Variants in GAA observed in about 807,000 individuals in gnomAD.
GAA encodes alpha glucosidase.
A neutral mutation model predicts 103.9 loss-of-function variants in GAA; 88 were observed. The observed-to-expected ratio is 0.85, with a 90% CI of 0.71 to 1.01. The LOEUF is 1.01. Among genes scored for constraint, GAA ranks in the 50% least tolerant of loss-of-function variants. The pLI, the probability that GAA is intolerant of heterozygous loss-of-function variation, is 0.00. For missense variants in GAA, 1,350 were observed against 1,305.3 expected (o/e 1.03, Z -0.53); for synonymous variants, 572 against 563.1 (o/e 1.02, Z -0.22).
At chr17:80,111,962 A>G (rs761933465) in intron 11 of GAA, 21 bp from the exon 12 acceptor site, 23 of 1,603,364 alleles carry the variant, frequency 1.4e-5, no homozygotes, top group Non-Finnish European at 1.9e-5. Context: ...CTCCCTGGAA[A>G]CCAGCCCCCG....
At chr17:80,106,606 C>A (rs1050839877) in intron 3 of GAA, among the ~76,000 whole-genome samples, 4 of 152,098 alleles carry the variant, frequency 2.6e-5, no homozygotes, top group Admixed American at 2.0e-4. Flanking sequence ...GTAGAGAGAC[C>A]CAAGAGAAGT....
At chr17:80,116,737 C>G (rs2039359784) in intron 15 of GAA, 1 of 589,142 alleles carries the variant, frequency 1.7e-6, no homozygotes. Context: ...CTATTCCTGC[C>G]CTGAGCCCAG....
rs1257379580 is a variant in GAA, at chr17:80,110,011, G to A, written c.1393G>A (p.Gly465Arg). 2.5e-6 allele frequency: 4 copies of A among 1,613,358 alleles called. No individual in the cohort carries two copies. The East Asian group carries it at 8.9e-5, about 36-fold the overall frequency. ...YRPYDEGLRR[G>R]VFITNETGQP... ...GCCCTACGACGAGGGTCTGCGGAGG[G>A]GGGTTTTCATCACCAACGAGACCGG... The change falls in exon 9 of 20, where the codon GGG becomes AGG. Residue 465 changes from glycine to arginine, a missense_variant. Physicochemically the swap from Gly to Arg is moderately radical, Grantham distance 125 (BLOSUM62 -2). Coordinates refer to ENST00000302262, the MANE Select transcript of GAA (RefSeq NM_000152.5).
At position 80,119,826 on chromosome 17, in the gene GAA, G is replaced by T; in HGVS notation, c.*495G>T. 5.2e-6 allele frequency: 1 copy of T among 192,448 alleles called. No homozygotes were observed. The highest frequency in any genetic ancestry group is 1.1e-5 in the Non-Finnish European group (1 of 91,334). The allele number at this position is 192,448 out of a possible 1,614,324, so 11.9% of individuals were successfully genotyped here. A position where few individuals can be genotyped will look rare whatever the true frequency, so the allele number is the denominator to read the frequency against. On this transcript the variant is annotated 3_prime_UTR_variant, in exon 20 of 20. Coordinates refer to ENST00000302262, the MANE Select transcript of GAA (RefSeq NM_000152.5). ...AACTCAGGAAAATTCACAGGACTTG[G>T]GAGATTCTAAATCTTAAGTGCAATT...
Position 80,108,317 on chromosome 17 carries a change from T to G in GAA, c.983T>G (p.Leu328Arg). 6.2e-7 allele frequency: 1 copy of G among 1,613,642 alleles called. No homozygotes were observed. The highest frequency in any genetic ancestry group is 8.5e-7 in the Non-Finnish European group (1 of 1,180,010). The stretch of plus-strand genomic sequence containing the variant: ...GTGGTCCTGCAGCCGAGCCCTGCCC[T>G]TAGCTGGAGGTCGACAGGTGGGATC... ...MDVVLQPSPA[L>R]SWRSTGGILD... Residue 328 changes from leucine to arginine, a missense_variant, in exon 6 of 20, where the codon CTT becomes CGT. Physicochemically the swap from Leu to Arg is moderately radical, Grantham distance 102 (BLOSUM62 -2). Coordinates refer to ENST00000302262, the MANE Select transcript of GAA (RefSeq NM_000152.5).
rs750907936 is a variant in GAA, at chr17:80,113,325, C to T, written c.2148C>T (p.Ala716=). 5 of 1,598,092 alleles carry T rather than the reference C, an allele frequency of 3.1e-6. No homozygotes were observed. The highest frequency in any genetic ancestry group is 4.3e-6 in the Non-Finnish European group (5 of 1,172,400). Residue 716 remains alanine (A), a synonymous_variant, in exon 15 of 20, where the codon GCC becomes GCT. Transcript: ENST00000302262. ...LPHLYTLFHQ[A]HVAGETVARP... ...ACCTCTACACACTGTTCCACCAGGC[C>T]CACGTCGCGGGGGAGACCGTGGCCC...
At position 80,108,798 on chromosome 17, in the gene GAA, C is replaced by T. The variant is rs2143858058; in HGVS notation, c.1296C>T (p.His432=). Residue 432 remains histidine (H), a synonymous_variant, in exon 8 of 20, where the codon CAC becomes CAT. Transcript: ENST00000302262. ...TCCCGGCCATGGTGCAGGAGCTGCA[C>T]CAGGGCGGCCGGCGCTACATGATGA... ...RDFPAMVQEL[H]QGGRRYMMIV... is the part of the protein sequence containing the mutation. The T allele has an allele frequency of 6.2e-7, 1 of 1,604,302 alleles. No individual in the cohort carries two copies. Among genetic ancestry groups the T allele is most frequent in the Non-Finnish European group, 8.5e-7 (1 of 1,175,880 alleles).
rs1316979657 is a variant in GAA at position 80,101,620 on chromosome 17, G to A, written c.-303G>A. 6.6e-6 allele frequency: 1 copy of A among 151,096 alleles called. No homozygotes were observed. The highest frequency in any genetic ancestry group is 1.9e-4 in the East Asian group (1 of 5,150). 9.4% of individuals were successfully genotyped at this position (151,096 alleles called of 1,614,324 possible). On this transcript the variant is annotated 5_prime_UTR_variant, in exon 1 of 20. Coordinates refer to ENST00000302262, the MANE Select transcript of GAA (RefSeq NM_000152.5). ...CCGCGGGCGGCCAGGGCGCGCGTGC[G>A]CGGAGGTGAGCCGGGCCGGGGCTGC...
intron 1 of GAA, 58 bp downstream of exon 1, chr17:80,101,948 G>A (rs2038961759): frequency 6.6e-6 from 1 of 152,486 alleles, no homozygotes; most frequent in South Asian, 2.1e-4. Flanking sequence ...AAGCGGGTTT[G>A]AACGTGCCTA....
In GAA at chr17:80,112,711, G is replaced by A; in HGVS notation, c.1888G>A (p.Glu630Lys). 1 of 1,606,344 alleles carries A rather than the reference G, an allele frequency of 6.2e-7. No individual in the cohort carries two copies. The highest frequency in any genetic ancestry group is 8.5e-7 in the Non-Finnish European group (1 of 1,177,182). The change falls in exon 13 of 20, where the codon GAA becomes AAA. Residue 630 changes from glutamate (E) to lysine (K), a missense_variant and splice_region_variant. Transcript: ENST00000302262. Reference protein sequence around the residue: ...SWEQLASSVPEILQFNLLGVP... With the variant: ...SWEQLASSVPKILQFNLLGVP... ...GGAGCAGCTCGCCTCCTCCGTGCCA[G>A]GTGAGCTCCTACCAGGAGGGGCTGC...
chr17:80,112,650 C>G lies in GAA; in HGVS notation c.1827C>G (p.Tyr609Ter). The change falls in exon 13 of 20, where the codon TAC (tyrosine) becomes TAG (stop). Residue 609 changes from tyrosine (Y) to a stop codon, truncating the protein, a stop_gained. Coordinates refer to ENST00000302262, the MANE Select transcript of GAA (RefSeq NM_000152.5). LOFTEE classifies it high-confidence loss of function. ...CGACCTTTGCTGGCCACGGCCGATA[C>G]GCCGGCCACTGGACGGGGGACGTGT... ...SRSTFAGHGRYAGHWTGDVWS... is the reference protein window; with the variant it reads ...SRSTFAGHGR 6.2e-7 allele frequency: 1 copy of G among 1,612,546 alleles called. No homozygotes were observed. The highest frequency in any genetic ancestry group is 8.5e-7 in the Non-Finnish European group (1 of 1,179,760).
chr17:80,116,822 G>A (rs778511824), intron 15 of GAA, 146 bp from the exon 16 acceptor site: 47 of 832,074 alleles, frequency 5.6e-5, no homozygotes, highest in African/African-American at 1.5e-4. Context: ...ATCCCTGCCC[G>A]TCTGACCTGA....
chr17:80,117,115 T>G lies in GAA; in HGVS notation c.2331+6T>G. ...CATGGTACGACCTGCAGACGGTGAGTCTGGGGACCCTAAGCCCTGGGGAGA... is the reference window on the plus strand; with the variant it reads ...CATGGTACGACCTGCAGACGGTGAGGCTGGGGACCCTAAGCCCTGGGGAGA... On this transcript the variant is annotated splice_donor_region_variant and intron_variant, in intron 16 of 19. Coordinates refer to ENST00000302262, the MANE Select transcript of GAA (RefSeq NM_000152.5). The G allele has an allele frequency of 6.2e-7, 1 of 1,612,186 alleles. No homozygotes were observed. Among genetic ancestry groups the G allele is most frequent in the South Asian group, 1.1e-5 (1 of 91,072 alleles).
chr17:80,113,412 AG>A, intron 15 of GAA, 46 bp downstream of exon 15: 1 of 1,473,786 alleles, frequency 6.8e-7, no homozygotes, highest in Non-Finnish European at 9.1e-7. Flanking sequence ...GCCCTGGGGG[AG>A]GGGCACGTAA....
chr17:80,105,209 G>A (rs953300870), intron 2 of GAA, 77 bp downstream of exon 2: 2 of 1,369,544 alleles, frequency 1.5e-6, no homozygotes, highest in Non-Finnish European at 2.0e-6. Flanking sequence ...ACCTCACAAG[G>A]GTGGGGTGCA....
chr17:80,108,290 A>G lies in GAA; in HGVS notation c.956A>G (p.Asp319Gly). 4 of 1,613,422 alleles carry G rather than the reference A, an allele frequency of 2.5e-6. No homozygotes were observed. The highest frequency in any genetic ancestry group is 1.7e-6 in the Non-Finnish European group (2 of 1,179,982). Residue 319 changes from aspartate (D) to glycine (G), a missense_variant and splice_region_variant, in exon 6 of 20, where the codon GAT becomes GGT. Transcript: ENST00000302262. ...GVFLLNSNAMDVVLQPSPALS... is the reference protein window; with the variant it reads ...GVFLLNSNAMGVVLQPSPALS... The stretch of plus-strand genomic sequence containing the variant: ...AACCCCAGAGCTGCTTCCCTTCCAG[A>G]TGTGGTCCTGCAGCCGAGCCCTGCC...
Position 80,105,308 on chromosome 17 carries a change from C to T in GAA, c.546+176C>T, listed in dbSNP as rs117666398. On this transcript the variant is annotated intron_variant, in intron 2 of 19. Transcript: ENST00000302262. ...CCCTCGGGGAGCAGTGGGGACACCA[C>T]GGTGACAGGTACTCCAGAAGGCAGG... Among the ~76,000 whole-genome samples the T allele has an allele frequency of 0.013, 1,982 of 152,242 alleles. 27 individuals carry two copies. The highest frequency in any genetic ancestry group is 0.018 in the Non-Finnish European group (1,225 of 67,998).
chr17:80,110,620 T>G, intron 9 of GAA, 107 bp from the exon 10 acceptor site: 2 of 903,656 alleles, frequency 2.2e-6, no homozygotes, highest in East Asian at 5.1e-5. Flanking sequence ...AATGTGGGCG[T>G]CCACTAAGAG....
chr17:80,117,137 G>C (rs1331596833), intron 16 of GAA, 28 bp downstream of exon 16: 8 of 1,608,626 alleles, frequency 5.0e-6, no homozygotes, highest in Non-Finnish European at 6.8e-6. Flanking sequence ...AAGCCCTGGG[G>C]AGACGGGAGA....
Sources: allele counts gnomAD v4.1 joint callset (sites outside exome capture counted in the v4.1 genomes callset), GRCh38; gene constraint gnomAD v4.1.1; transcripts MANE v1.5; gene names NCBI Gene and HGNC (gene_info 2026-07-23, HGNC 2026-07-21).